HADH: variants seen among roughly 807,000 people sequenced by gnomAD.
HADH encodes the protein hydroxyacyl-CoA dehydrogenase.
HADH carries 24 observed loss-of-function variants against 32.2 expected under a neutral mutation model. The observed-to-expected ratio is 0.75, with a 90% CI of 0.54 to 1.05. The LOEUF (loss-of-function observed/expected upper bound fraction) is 1.05, where lower values mean the gene tolerates loss of function less well. Ranked by LOEUF, HADH falls within the 50% of genes least tolerant of loss-of-function variation. The pLI is 0.00. For missense variants in HADH, 350 were observed against 397.1 expected (o/e 0.88, Z 1.01); for synonymous variants, 139 against 152.5 (o/e 0.91, Z 0.65).
chr4:108,018,361 T>C (rs1341550078), intron 3 of HADH, among the ~76,000 whole-genome samples: 1 of 152,152 alleles, frequency 6.6e-6, no homozygotes, highest in African/African-American at 2.4e-5. Context: ...ATAGTTTATA[T>C]TATTTTCCCC....
At chr4:108,008,109 G>A (rs539621295) in intron 1 of HADH, among the ~76,000 whole-genome samples, 56 of 152,334 alleles carry the variant, frequency 3.7e-4, no homozygotes, top group African/African-American at 9.9e-4. Flanking sequence ...GCCTTGGTCC[G>A]TTGCCACTTA....
At chr4:108,009,994 T>C (rs1735433305) in intron 2 of HADH, 107 bp downstream of exon 2, 2 of 830,588 alleles carry the variant, frequency 2.4e-6, no homozygotes, top group Non-Finnish European at 3.9e-6. Flanking sequence ...TTTTTTTTTT[T>C]CAGTTTGTTA....
At chr4:108,010,016 AT>A in intron 2 of HADH, 129 bp downstream of exon 2, 1 of 663,592 alleles carries the variant, frequency 1.5e-6, no homozygotes, top group Non-Finnish European at 2.6e-6. Context: ...TGTAAAACTC[AT>A]TTTTCCATAA....
chr4:108,021,467 A>G (rs1320409294), intron 4 of HADH, among the ~76,000 whole-genome samples: 1 of 152,210 alleles, frequency 6.6e-6, no homozygotes, highest in African/African-American at 2.4e-5. Flanking sequence ...GTGTACACCA[A>G]AATAACTTGT....
intron 3 of HADH, 137 bp downstream of exon 3, chr4:108,014,725 C>G: frequency 1.3e-6 from 1 of 769,562 alleles, no homozygotes; most frequent in Non-Finnish European, 2.1e-6. Context: ...GTGGTGAAGT[C>G]TGGGCTTTTA....
rs371756670 is a variant in HADH, at chr4:108,012,636, GA to G, written c.262-1792del. 2.9e-3 allele frequency among the ~76,000 whole-genome samples: 443 copies of G among 152,334 alleles called. 2 individuals carry two copies. Among genetic ancestry groups the G allele is most frequent in the African/African-American group, 0.01 (427 of 41,562 alleles). ...GAGGAAGTAACTTGTGGAATGCTGA[GA>G]AAGGTAAAAACACCTCTAAATAAGG... On this transcript the variant is annotated intron_variant, in intron 2 of 7. Coordinates refer to ENST00000309522, the MANE Select transcript of HADH (RefSeq NM_005327.7).
chr4:108,004,526 A>C, intron 1 of HADH: 1 of 664,238 alleles, frequency 1.5e-6, no homozygotes, highest in Non-Finnish European at 2.3e-6. Flanking sequence ...GAAACTTAGC[A>C]CTTCTTGTTC....
intron 3 of HADH, 71 bp downstream of exon 3, chr4:108,014,659 T>C (rs1295802934): frequency 7.1e-7 from 1 of 1,414,086 alleles, no homozygotes; most frequent in East Asian, 2.4e-5. Context: ...TTTTATTTTT[T>C]GTTTTTATAG....
intron 1 of HADH, among the ~76,000 whole-genome samples, chr4:108,004,215 T>A (rs1735214236): frequency 6.6e-6 from 1 of 152,196 alleles, no homozygotes; most frequent in Non-Finnish European, 1.5e-5. Flanking sequence ...GGGATTTTGT[T>A]TGTTCACCTT....
chr4:108,026,182 C>T (rs1736063957), intron 5 of HADH: 1 of 152,180 alleles, frequency 6.6e-6, no homozygotes, highest in Admixed American at 6.5e-5. Context: ...GCTGGGACCA[C>T]AGGCGCGTGC....
In HADH at chr4:108,035,076, T is replaced by A. The variant is rs1736419528; in HGVS notation, c.*719T>A. 6.6e-6 allele frequency: 1 copy of A among 152,474 alleles called. No individual in the cohort carries two copies. The highest frequency in any genetic ancestry group is 1.5e-5 in the Non-Finnish European group (1 of 68,246). 9.4% of individuals were successfully genotyped at this position (152,474 alleles called of 1,614,324 possible). A position where few individuals can be genotyped will look rare whatever the true frequency, so the allele number is the denominator to read the frequency against. On this transcript the variant is annotated 3_prime_UTR_variant, in exon 8 of 8. Coordinates refer to ENST00000309522, the MANE Select transcript of HADH (RefSeq NM_005327.7). Reference sequence around the variant, plus strand: ...AATTGACTCTACTAAAATAACAATGTTTCAGTCTGAAAATTTGAATTGAAA... The same window carrying A: ...AATTGACTCTACTAAAATAACAATGATTCAGTCTGAAAATTTGAATTGAAA...
At chr4:107,993,493 G>C (rs1405234613) in intron 1 of HADH, among the ~76,000 whole-genome samples, 1 of 152,098 alleles carries the variant, frequency 6.6e-6, no homozygotes, top group Non-Finnish European at 1.5e-5. Flanking sequence ...TGTTAGTCAA[G>C]GTGCAGTTCT....
chr4:108,027,586 G>A (rs1736108319), intron 5 of HADH, 102 bp from the exon 6 acceptor site: 1 of 792,008 alleles, frequency 1.3e-6, no homozygotes, highest in Non-Finnish European at 2.3e-6. Flanking sequence ...ATAAATGGGG[G>A]CAAACATGAT....
intron 1 of HADH, chr4:108,004,921 A>G (rs1189823982): frequency 6.5e-7 from 1 of 1,532,938 alleles, no homozygotes; most frequent in Non-Finnish European, 8.7e-7. Context: ...TAAAGAGGTA[A>G]GATGACCCTA....
At position 108,027,703 on chromosome 4, in the gene HADH, A is replaced by G. The variant is rs1736111549; in HGVS notation, c.652A>G (p.Ile218Val). Reference sequence around the variant, plus strand: ...CCCAAAACAGGACACTCCTGGGTTTATTGTGAACCGCCTCCTGGTTCCATA... The same window carrying G: ...CCCAAAACAGGACACTCCTGGGTTTGTTGTGAACCGCCTCCTGGTTCCATA... ...PVSCKDTPGF[I>V]VNRLLVPYLM... The change falls in exon 6 of 8, where the codon ATT (isoleucine) becomes GTT (valine). Residue 218 changes from isoleucine to valine, a missense_variant. By Grantham distance (29) the Ile-to-Val change is conservative (BLOSUM62 3). Coordinates refer to ENST00000309522, the MANE Select transcript of HADH (RefSeq NM_005327.7). 1.2e-6 allele frequency: 2 copies of G among 1,608,178 alleles called. No individual in the cohort carries two copies. The highest frequency in any genetic ancestry group is 1.6e-4 in the Middle Eastern group (1 of 6,074).
chr4:107,991,258 G>A (rs1325698985), intron 1 of HADH, among the ~76,000 whole-genome samples: 1 of 151,902 alleles, frequency 6.6e-6, no homozygotes, highest in Non-Finnish European at 1.5e-5. Context: ...TTGCAACTTG[G>A]TTTGTTGGGG....
At chr4:108,000,852 A>G (rs1159215732) in intron 1 of HADH, among the ~76,000 whole-genome samples, 1 of 152,230 alleles carries the variant, frequency 6.6e-6, no homozygotes, top group East Asian at 1.9e-4. Flanking sequence ...GAATCGGGTT[A>G]CTACCGTCCA....
intron 6 of HADH, 143 bp downstream of exon 6, chr4:108,027,903 C>T: frequency 1.4e-6 from 1 of 691,642 alleles, no homozygotes; most frequent in Non-Finnish European, 2.6e-6. Flanking sequence ...CTCAGCTGCA[C>T]CCTGAGCCCT....
chr4:108,012,506 T>G (rs891176941), intron 2 of HADH, among the ~76,000 whole-genome samples: 1 of 152,166 alleles, frequency 6.6e-6, no homozygotes, highest in African/African-American at 2.4e-5. Context: ...CTGTGTCCGG[T>G]TTCTATTGGC....
Sources: allele counts gnomAD v4.1 joint callset (sites outside exome capture counted in the v4.1 genomes callset), GRCh38; gene constraint gnomAD v4.1.1; transcripts MANE v1.5; gene names NCBI Gene and HGNC (gene_info 2026-07-23, HGNC 2026-07-21).